The following ROBO2 variants were observed in gnomAD, a reference collection of about 807,000 sequenced individuals.
ROBO2 encodes roundabout homolog 2.
Under a neutral mutation model 160.8 loss-of-function variants are expected in ROBO2, and 53 were observed. The ratio of observed to expected loss-of-function variants is 0.33; its 90% CI spans 0.26 to 0.41. ROBO2 has a LOEUF of 0.41. ROBO2 is among the 10% of genes least tolerant of loss of function. The probability of loss-of-function intolerance (pLI) is 1.00; values close to 1 mark genes in which losing one functional copy is unlikely to be tolerated. For missense variants in ROBO2, 1,577 were observed against 1,722.4 expected, an observed-to-expected ratio of 0.92 and a Z score of 1.49; for synonymous variants, 664 against 611.7, an observed-to-expected ratio of 1.09 and a Z score of -1.26.
At chr3:76,157,241 C>A (rs1265008689) in intron 2 of ROBO2, among the ~76,000 whole-genome samples, 3 of 151,986 alleles carry the variant, frequency 2.0e-5, no homozygotes, top group East Asian at 1.9e-4. Context: ...ATTATTTGAA[C>A]CTTCTAACTT....
intron 2 of ROBO2, among the ~76,000 whole-genome samples, chr3:76,021,747 C>T (rs73841079): frequency 0.013 from 1,990 of 151,758 alleles, 34 homozygotes; most frequent in African/African-American, 0.045. Context: ...TTATCTATTC[C>T]TTCATCAAGT....
intron 2 of ROBO2, among the ~76,000 whole-genome samples, chr3:76,884,825 T>A (rs1163425666): frequency 2.0e-5 from 3 of 152,138 alleles, no homozygotes; most frequent in Non-Finnish European, 4.4e-5. Context: ...CAATATTATA[T>A]CCAAATAGGA....
intron 2 of ROBO2, among the ~76,000 whole-genome samples, chr3:76,003,360 G>C (rs2065940191): frequency 6.6e-6 from 1 of 152,136 alleles, no homozygotes; most frequent in African/African-American, 2.4e-5. Context: ...GGGTATCCAA[G>C]TGATGTCAAC....
At chr3:77,262,502 G>A (rs962248476) in intron 2 of ROBO2, among the ~76,000 whole-genome samples, 6 of 152,040 alleles carry the variant, frequency 3.9e-5, no homozygotes, top group African/African-American at 1.2e-4. Flanking sequence ...CTTTGGATGG[G>A]CCTTAGCTAT....
At chr3:76,675,522 G>T (rs2106777051) in intron 2 of ROBO2, among the ~76,000 whole-genome samples, 1 of 152,252 alleles carries the variant, frequency 6.6e-6, no homozygotes, top group Non-Finnish European at 1.5e-5. Context: ...ATGCTTTGAA[G>T]TCCAGATCTT....
intron 2 of ROBO2, among the ~76,000 whole-genome samples, chr3:77,339,417 GA>G (rs756900195): frequency 1.3e-5 from 2 of 152,154 alleles, no homozygotes; most frequent in African/African-American, 2.4e-5. Flanking sequence ...CTTCATATAA[GA>G]ACACATTTTC....
chr3:77,026,766 C>A (rs2062993916), intron 2 of ROBO2, among the ~76,000 whole-genome samples: 1 of 152,152 alleles, frequency 6.6e-6, no homozygotes, highest in Non-Finnish European at 1.5e-5. Flanking sequence ...ATATTCATAT[C>A]ATATCCTGGC....
intron 2 of ROBO2, among the ~76,000 whole-genome samples, chr3:76,782,211 G>A (rs778890023): frequency 4.0e-5 from 6 of 150,498 alleles, no homozygotes; most frequent in East Asian, 3.9e-4. Context: ...TTTCTTCCTA[G>A]TATTGATTTC....
At chr3:76,046,207 A>G (rs886844590) in intron 2 of ROBO2, among the ~76,000 whole-genome samples, 1 of 151,962 alleles carries the variant, frequency 6.6e-6, no homozygotes, top group African/African-American at 2.4e-5. Flanking sequence ...CTTGTCAGGG[A>G]CTATAATCAC....
intron 2 of ROBO2, among the ~76,000 whole-genome samples, chr3:76,889,740 C>A (rs560787625): frequency 6.6e-6 from 1 of 152,100 alleles, no homozygotes; most frequent in Non-Finnish European, 1.5e-5. Flanking sequence ...AAAGCTATTA[C>A]ATAGTGATAA....
chr3:75,981,319 G>A (rs1193162716), intron 2 of ROBO2, among the ~76,000 whole-genome samples: 2 of 151,358 alleles, frequency 1.3e-5, no homozygotes, highest in African/African-American at 2.4e-5. Flanking sequence ...TTTGTACAAA[G>A]GACTTATCTA....
chr3:76,549,612 C>T (rs545853705), intron 2 of ROBO2, among the ~76,000 whole-genome samples: 4 of 152,252 alleles, frequency 2.6e-5, no homozygotes, highest in African/African-American at 9.6e-5. Context: ...ATACCCTTTC[C>T]GATAGTTTAT....
At chr3:76,359,887 A>T (rs2075402606) in intron 2 of ROBO2, among the ~76,000 whole-genome samples, 1 of 152,080 alleles carries the variant, frequency 6.6e-6, no homozygotes, top group Non-Finnish European at 1.5e-5. Flanking sequence ...TAAAGTTATA[A>T]CATTATATGC....
intron 2 of ROBO2, among the ~76,000 whole-genome samples, chr3:77,436,410 A>AAG (rs1428384415): frequency 8.6e-5 from 13 of 151,842 alleles, no homozygotes; most frequent in Non-Finnish European, 1.3e-4. Context: ...TTGATAGTAT[A>AAG]GCTATGGAAA....
At chr3:77,540,315 A>G (rs1196217511) in intron 6 of ROBO2, among the ~76,000 whole-genome samples, 3 of 152,214 alleles carry the variant, frequency 2.0e-5, no homozygotes, top group Admixed American at 2.0e-4. Context: ...AAGTTCTATC[A>G]TTCTTCTTCG....
intron 2 of ROBO2, among the ~76,000 whole-genome samples, chr3:76,625,468 A>T (rs1266084618): frequency 6.6e-6 from 1 of 152,184 alleles, no homozygotes; most frequent in African/African-American, 2.4e-5. Flanking sequence ...GGGCCAAAAA[A>T]ATAAGCAAAT....
chr3:77,441,971 A>G (rs548845300), intron 2 of ROBO2, among the ~76,000 whole-genome samples: 2 of 152,268 alleles, frequency 1.3e-5, no homozygotes, highest in Middle Eastern at 6.8e-3. Context: ...TTTACCCACA[A>G]CACATTTTAG....
At chr3:77,390,118 G>T (rs987648902) in intron 2 of ROBO2, among the ~76,000 whole-genome samples, 1 of 152,118 alleles carries the variant, frequency 6.6e-6, no homozygotes, top group Non-Finnish European at 1.5e-5. Flanking sequence ...GATGAAGGTG[G>T]TAAGATCCAT....
chr3:76,310,422 C>T (rs747980244), intron 2 of ROBO2, among the ~76,000 whole-genome samples: 10 of 152,232 alleles, frequency 6.6e-5, no homozygotes, highest in African/African-American at 7.2e-5. Context: ...GACACAGGAA[C>T]GCCGAAATAA....
Sources: allele counts gnomAD v4.1 joint callset (sites outside exome capture counted in the v4.1 genomes callset), GRCh38; gene constraint gnomAD v4.1.1; transcripts MANE v1.5; gene names NCBI Gene and HGNC (gene_info 2026-07-23, HGNC 2026-07-21).